The following TM4SF20 variants were observed in gnomAD, a reference collection of about 807,000 sequenced individuals.
The protein encoded by TM4SF20 is transmembrane 4 L six family member 20, also known as transmembrane 4 L6 family member 20.
A neutral mutation model predicts 15.1 loss-of-function variants in TM4SF20; 13 were observed. The observed-to-expected ratio is 0.86, with a 90% CI of 0.56 to 1.36. The LOEUF (loss-of-function observed/expected upper bound fraction) is 1.36, where lower values mean the gene tolerates loss of function less well. Ranked by LOEUF, TM4SF20 falls within the 40% of genes most tolerant of loss-of-function variation. The probability of loss-of-function intolerance (pLI) is 0.00; values close to 1 mark genes in which losing one functional copy is unlikely to be tolerated. For synonymous variants in TM4SF20, 92 were observed against 96.6 expected (o/e 0.95, Z 0.28); for missense variants, 282 against 268.4 (o/e 1.05, Z -0.35).
At chr2:227,379,337 C>A, upstream of TM4SF20, 1 of 1,380,044 alleles carries the variant, frequency 7.2e-7, no homozygotes, top group South Asian at 1.3e-5. Flanking sequence ...CCTTTTATCC[C>A]AATCTTCTGG....
intron 1 of TM4SF20, among the ~76,000 whole-genome samples, chr2:227,375,262 G>A (rs997978603): frequency 6.6e-6 from 1 of 152,030 alleles, no homozygotes; most frequent in African/African-American, 2.4e-5. Context: ...CAATAGTGGT[G>A]CATGCCTATA....
In TM4SF20 at chr2:227,363,757, A is replaced by G; in HGVS notation, c.657T>C (p.Cys219=). The G allele has an allele frequency of 6.2e-7, 1 of 1,614,160 alleles. No individual in the cohort carries two copies. Among genetic ancestry groups the G allele is most frequent in the Non-Finnish European group, 8.5e-7 (1 of 1,180,016 alleles). The change falls in exon 4 of 4, where the codon TGT becomes TGC. Residue 219 remains cysteine (C), a synonymous_variant. Coordinates refer to ENST00000304568, the MANE Select transcript of TM4SF20 (RefSeq NM_024795.4). ...QIVIGFLGCL[C]GVSKRRSQIV ...TTTGACTTCTTCGCTTAGAGACTCC[A>G]CACAGACAGCCAAGGAAACCGATGA...
intron 1 of TM4SF20, among the ~76,000 whole-genome samples, chr2:227,377,860 G>C (rs1031050842): frequency 6.6e-6 from 1 of 151,990 alleles, no homozygotes; most frequent in Non-Finnish European, 1.5e-5. Context: ...AGAGGATCAG[G>C]CAAAATAAAT....
At chr2:227,365,374 G>A (rs1164195019) in intron 3 of TM4SF20, among the ~76,000 whole-genome samples, 2 of 152,164 alleles carry the variant, frequency 1.3e-5, no homozygotes, top group African/African-American at 4.8e-5. Context: ...GAGAGGTAAT[G>A]GATTAGATAG....
At position 227,363,676 on chromosome 2, in the gene TM4SF20, T is replaced by A; in HGVS notation, c.*48A>T. On this transcript the variant is annotated 3_prime_UTR_variant, in exon 4 of 4. Transcript: ENST00000304568. ...AGATGACTTTGAAAACAAGTGTACT[T>A]CTCAAATTAATTCAAACTACTGATA... The A allele has an allele frequency of 1.9e-6, 3 of 1,544,298 alleles. No individual in the cohort carries two copies. The highest frequency in any genetic ancestry group is 2.6e-6 in the Non-Finnish European group (3 of 1,144,770).
At chr2:227,372,602 C>G (rs2106493245) in intron 1 of TM4SF20, among the ~76,000 whole-genome samples, 1 of 152,304 alleles carries the variant, frequency 6.6e-6, no homozygotes, top group East Asian at 1.9e-4. Flanking sequence ...GATCATGTGA[C>G]TGCACTCCGG....
intron 2 of TM4SF20, among the ~76,000 whole-genome samples, chr2:227,368,644 GCGTGAGCCACCGCACC>G (rs2106490575): frequency 6.6e-6 from 1 of 152,276 alleles, no homozygotes; most frequent in East Asian, 1.9e-4. Flanking sequence ...GGGATTGCAG[GCGTGAGCCACCGCACC>G]CAGCCATATT....
chr2:227,378,706 C>T (rs1349946814), intron 1 of TM4SF20, among the ~76,000 whole-genome samples: 2 of 152,136 alleles, frequency 1.3e-5, no homozygotes, highest in Non-Finnish European at 2.9e-5. Flanking sequence ...ACCTGTCACT[C>T]CTATTGCATT....
upstream of TM4SF20, among the ~76,000 whole-genome samples, chr2:227,379,703 T>C (rs1163400469): frequency 6.6e-6 from 1 of 152,238 alleles, no homozygotes; most frequent in East Asian, 1.9e-4. Context: ...GAGAAAGGTA[T>C]TTCCTCTGCT....
chr2:227,372,040 G>T (rs868150667), intron 1 of TM4SF20, among the ~76,000 whole-genome samples: 1 of 152,268 alleles, frequency 6.6e-6, no homozygotes, highest in Middle Eastern at 3.4e-3. Context: ...TATCATTGAA[G>T]GGTGGAATGT....
At chr2:227,366,716 CAAAAAAAAAAAAAAAAAAAAAAAA>C (rs59401554) in intron 2 of TM4SF20, among the ~76,000 whole-genome samples, 3 of 68,190 alleles carry the variant, frequency 4.4e-5, no homozygotes, top group African/African-American at 1.0e-4. Flanking sequence ...AAGACTCTGT[CAAAAAAAAAAAAAAAAAAAAAAAA>C]AAAAAAAAAA....
Position 227,379,270 on chromosome 2 carries a change from G to A in TM4SF20, c.-2C>T. On this transcript the variant is annotated 5_prime_UTR_variant, in exon 1 of 4. Transcript: ENST00000304568. Reference sequence around the variant, plus strand: ...TGTCCATCCTTCGCAGCAGGTCATGGTCACCCCTGGCTCAGAAACGTTGTC... The same window carrying A: ...TGTCCATCCTTCGCAGCAGGTCATGATCACCCCTGGCTCAGAAACGTTGTC... 1 of 1,613,526 alleles carries A rather than the reference G, an allele frequency of 6.2e-7. No individual in the cohort carries two copies. The highest frequency in any genetic ancestry group is 8.5e-7 in the Non-Finnish European group (1 of 1,179,636).
chr2:227,381,440 AAT>A (rs1420244225), upstream of TM4SF20: 11 of 151,560 alleles, frequency 7.3e-5, no homozygotes, highest in South Asian at 1.9e-3. Context: ...ATTCTAAAAA[AAT>A]ATATTTTTTA....
intron 2 of TM4SF20, 144 bp downstream of exon 2, chr2:227,370,770 TA>T: frequency 1.4e-6 from 1 of 701,038 alleles, no homozygotes; most frequent in Non-Finnish European, 2.5e-6. Context: ...AATAAATAAA[TA>T]AAAATAGCAT....
chr2:227,364,318 CTATT>C (rs1203016334), intron 3 of TM4SF20, among the ~76,000 whole-genome samples: 1 of 151,822 alleles, frequency 6.6e-6, no homozygotes, highest in Non-Finnish European at 1.5e-5. Flanking sequence ...GTGGTTCAAC[CTATT>C]TATTTTATTT....
intron 3 of TM4SF20, among the ~76,000 whole-genome samples, chr2:227,364,858 A>C (rs1317364436): frequency 6.6e-6 from 1 of 152,190 alleles, no homozygotes; most frequent in African/African-American, 2.4e-5. Context: ...TGTGCATAGC[A>C]TCTGTGGTAG....
intron 3 of TM4SF20, among the ~76,000 whole-genome samples, chr2:227,365,504 A>G (rs7606679): frequency 0.043 from 6,531 of 152,274 alleles, 364 homozygotes; most frequent in East Asian, 0.13. Flanking sequence ...TTGTTATTAC[A>G]TGACTTAAAA....
chr2:227,378,814 C>T (rs1035229203), intron 1 of TM4SF20, among the ~76,000 whole-genome samples: 1 of 152,154 alleles, frequency 6.6e-6, no homozygotes, highest in Non-Finnish European at 1.5e-5. Context: ...AAAGAGCAGC[C>T]CTACCTGTAC....
chr2:227,375,072 A>G (rs1036038789), intron 1 of TM4SF20, among the ~76,000 whole-genome samples: 15 of 151,832 alleles, frequency 9.9e-5, no homozygotes, highest in Middle Eastern at 3.2e-3. Flanking sequence ...GATTACAGGC[A>G]TGCACCACCA....
Sources: gnomAD v4.1 joint callset for allele counts (sites outside exome capture counted in the v4.1 genomes callset) on GRCh38, gnomAD v4.1.1 for gene constraint, MANE v1.5 for transcripts, NCBI Gene and HGNC (gene_info 2026-07-23, HGNC 2026-07-21) for gene names.